Variants in ASXL3 observed in about 807,000 individuals in gnomAD.
The protein encoded by ASXL3 is ASXL transcriptional regulator 3.
Under a neutral mutation model 170.6 loss-of-function variants are expected in ASXL3, and 34 were observed. The observed-to-expected ratio is 0.20, with a 90% CI of 0.15 to 0.27. The LOEUF is 0.27. Ranked by LOEUF, ASXL3 falls within the 10% of genes least tolerant of loss-of-function variation. The pLI, the probability that ASXL3 is intolerant of heterozygous loss-of-function variation, is 1.00. For missense variants in ASXL3, 2,592 were observed against 2,695.3 expected (o/e 0.96, Z 0.85); for synonymous variants, 1,002 against 989.1 (o/e 1.01, Z -0.24).
At chr18:33,659,817 GTCATATGATCTTTAATTCAATGACTTT>G (rs2066143026) in intron 4 of ASXL3, among the ~76,000 whole-genome samples, 1 of 152,014 alleles carries the variant, frequency 6.6e-6, no homozygotes, top group African/African-American at 2.4e-5. Flanking sequence ...AGTAAAAAAA[GTCATATGATCTTTAATTCAATGACTTT>G]TCTCACTATA....
At chr18:33,643,025 A>T (rs1442155855) in intron 2 of ASXL3, among the ~76,000 whole-genome samples, 2 of 151,848 alleles carry the variant, frequency 1.3e-5, no homozygotes, top group East Asian at 3.9e-4. Context: ...TATTTTTAAA[A>T]TTCTACATTG....
intron 2 of ASXL3, among the ~76,000 whole-genome samples, chr18:33,625,087 C>T (rs1342804334): frequency 6.6e-6 from 1 of 152,020 alleles, no homozygotes; most frequent in Non-Finnish European, 1.5e-5. Flanking sequence ...GGTTAGTGCT[C>T]CTGGGAAACT....
At chr18:33,609,758 A>G (rs1361603158) in intron 2 of ASXL3, among the ~76,000 whole-genome samples, 1 of 152,018 alleles carries the variant, frequency 6.6e-6, no homozygotes, top group Non-Finnish European at 1.5e-5. Context: ...CCAGTATAGT[A>G]TTAGTGAAAG....
At chr18:33,612,596 A>G (rs1346822442) in intron 2 of ASXL3, among the ~76,000 whole-genome samples, 1 of 152,058 alleles carries the variant, frequency 6.6e-6, no homozygotes, top group Non-Finnish European at 1.5e-5. Flanking sequence ...CTGTTATGAT[A>G]TGCTGAAATT....
intron 8 of ASXL3, among the ~76,000 whole-genome samples, chr18:33,685,719 T>C (rs921149254): frequency 6.6e-6 from 1 of 152,180 alleles, no homozygotes; most frequent in East Asian, 1.9e-4. Flanking sequence ...AAGCTTATAC[T>C]CTTGGTAGAA....
Position 33,739,971 on chromosome 18 carries a change from C to A in ASXL3, c.2567C>A (p.Ala856Asp), listed in dbSNP as rs1413319712. The change falls in exon 11 of 12, where the codon GCT becomes GAT. Residue 856 changes from alanine to aspartate, a missense_variant. This residue lies in a region of ASXL3 where 2,246 missense variants were observed against 2,219.6 expected (regional missense o/e 1.01). Transcript: ENST00000269197. The part of the protein sequence containing the change: ...KPYPASIPEL[A>D]STEMIKVKNH... ...TACCCTGCTTCAATTCCAGAACTTG[C>A]TTCTACTGAAATGATAAAAGTTAAA... 1 of 1,613,862 alleles carries A rather than the reference C, an allele frequency of 6.2e-7. No individual in the cohort carries two copies. The highest frequency in any genetic ancestry group is 8.5e-7 in the Non-Finnish European group (1 of 1,179,840).
intron 10 of ASXL3, among the ~76,000 whole-genome samples, chr18:33,737,428 T>A (rs890779083): frequency 2.0e-5 from 3 of 152,186 alleles, no homozygotes; most frequent in African/African-American, 7.2e-5. Context: ...TACGCTAATT[T>A]AACTTCATTT....
chr18:33,665,752 T>G (rs915975056), intron 5 of ASXL3, among the ~76,000 whole-genome samples: 1 of 152,196 alleles, frequency 6.6e-6, no homozygotes, highest in Non-Finnish European at 1.5e-5. Context: ...AATGTTTATT[T>G]AAAGGTTTTT....
intron 4 of ASXL3, among the ~76,000 whole-genome samples, chr18:33,658,656 A>G (rs1241945767): frequency 6.6e-6 from 1 of 152,094 alleles, no homozygotes; most frequent in Non-Finnish European, 1.5e-5. Flanking sequence ...TTTTCTTTAA[A>G]GTTCTATAGT....
Position 33,743,232 on chromosome 18 carries a change from G to T in ASXL3, c.3384G>T (p.Arg1128=). ...TCTTCCAGACCTCTAAAGAGACCCG[G>T]TTGCCTCCTCCGCTCAGCTCAAAGG... The part of the protein sequence containing the change: ...AHLFQTSKET[R]LPPPLSSKEG... Residue 1128 remains arginine, a synonymous_variant, in exon 12 of 12, where the codon CGG becomes CGT. Coordinates refer to ENST00000269197, the MANE Select transcript of ASXL3 (RefSeq NM_030632.3). The T allele has an allele frequency of 6.2e-7, 1 of 1,613,912 alleles. No individual in the cohort carries two copies. The highest frequency in any genetic ancestry group is 8.5e-7 in the Non-Finnish European group (1 of 1,179,840).
rs1192024420 is a variant in ASXL3 at position 33,745,583 on chromosome 18, A to T, written c.5735A>T (p.His1912Leu). ...PSCSFQQNLF[H>L]VDKNGGFHTD... ...TGTAGCTTCCAGCAGAACCTATTTCATGTTGACAAGAATGGCGGCTTCCAC... is the reference window on the plus strand; with the variant it reads ...TGTAGCTTCCAGCAGAACCTATTTCTTGTTGACAAGAATGGCGGCTTCCAC... Residue 1912 changes from histidine to leucine, a missense_variant, in exon 12 of 12, where the codon CAT becomes CTT. Coordinates refer to ENST00000269197, the MANE Select transcript of ASXL3 (RefSeq NM_030632.3). The T allele has an allele frequency of 3.7e-6, 6 of 1,613,854 alleles. No homozygotes were observed. Among genetic ancestry groups the T allele is most frequent in the Non-Finnish European group, 4.2e-6 (5 of 1,179,890 alleles).
chr18:33,743,773 A>G lies in ASXL3; in HGVS notation c.3925A>G (p.Thr1309Ala), dbSNP rs761464286. The G allele has an allele frequency of 6.2e-7, 1 of 1,614,004 alleles. No individual in the cohort carries two copies. Among genetic ancestry groups the G allele is most frequent in the South Asian group, 1.1e-5 (1 of 91,084 alleles). The change falls in exon 12 of 12, where the codon ACA (threonine) becomes GCA (alanine). Residue 1309 changes from threonine (T) to alanine (A), a missense_variant. By Grantham distance (58) the Thr-to-Ala change is moderately conservative (BLOSUM62 0). Transcript: ENST00000269197. ...TGAAAGCACTCCCATTTCAGCCACT[A>G]CAGAGGGCTCCAGCATATCAAGCTC... ...CIESTPISAT[T>A]EGSSISSSMD...
chr18:33,634,931 C>G (rs976740027), intron 2 of ASXL3, among the ~76,000 whole-genome samples: 30 of 152,066 alleles, frequency 2.0e-4, no homozygotes, highest in Admixed American at 2.0e-3. Flanking sequence ...GAACTAAATG[C>G]TACAATAGTA....
chr18:33,614,071 A>C (rs922215271), intron 2 of ASXL3, among the ~76,000 whole-genome samples: 1 of 152,154 alleles, frequency 6.6e-6, no homozygotes, highest in Admixed American at 6.6e-5. Context: ...TGCTTAAAGT[A>C]AGACAACAAT....
In ASXL3 at chr18:33,723,254, C is replaced by T. The variant is rs2145376807; in HGVS notation, c.880-8714C>T. Among the ~76,000 whole-genome samples the T allele has an allele frequency of 3.3e-5, 5 of 152,232 alleles. No individual in the cohort carries two copies. In the South Asian group the frequency reaches 1.0e-3, roughly 32 times the overall value. On this transcript the variant is annotated intron_variant, in intron 8 of 11. Transcript: ENST00000269197. ...CTGTGGCTGCCATAGGTAGTGATTCCTCTGATGGTTCTGAGCAAGGTGAAT... is the reference window on the plus strand; with the variant it reads ...CTGTGGCTGCCATAGGTAGTGATTCTTCTGATGGTTCTGAGCAAGGTGAAT...
chr18:33,647,746 G>A (rs147435978), intron 4 of ASXL3, among the ~76,000 whole-genome samples: 2 of 152,070 alleles, frequency 1.3e-5, no homozygotes, highest in Admixed American at 1.3e-4. Context: ...AAAAACAAAA[G>A]CAAATCTCTC....
intron 8 of ASXL3, among the ~76,000 whole-genome samples, chr18:33,716,866 C>T (rs2067172736): frequency 6.7e-6 from 1 of 148,184 alleles, no homozygotes; most frequent in Admixed American, 6.8e-5. Context: ...TTTGGCCTTG[C>T]TCAGATTGCA....
In ASXL3 at chr18:33,745,124, C is replaced by A; in HGVS notation, c.5276C>A (p.Pro1759His). ...ACGCAGTTACTACAGGGCAACCTGC[C>A]TTTGGAAAAAGTGTTGCCACAGCCC... ...LVTQLLQGNL[P>H]LEKVLPQPRL... Residue 1759 changes from proline to histidine, a missense_variant, in exon 12 of 12, where the codon CCT becomes CAT. By Grantham distance (77) the Pro-to-His change is moderately conservative. This residue lies in a region of ASXL3 where 2,246 missense variants were observed against 2,219.6 expected (regional missense o/e 1.01). Transcript: ENST00000269197. The A allele has an allele frequency of 6.2e-7, 1 of 1,614,000 alleles. No individual in the cohort carries two copies. Among genetic ancestry groups the A allele is most frequent in the Admixed American group, 1.7e-5 (1 of 60,034 alleles).
intron 7 of ASXL3, among the ~76,000 whole-genome samples, chr18:33,672,836 T>G (rs772888351): frequency 4.1e-4 from 63 of 152,208 alleles, no homozygotes; most frequent in Non-Finnish European, 7.8e-4. Flanking sequence ...GACATTTTGC[T>G]AAATCTTGGG....
Sources: gnomAD v4.1 joint callset for allele counts (sites outside exome capture counted in the v4.1 genomes callset) on GRCh38, gnomAD v4.1.1 for gene constraint, gnomAD v4.1.1 regional missense constraint, MANE v1.5 for transcripts, NCBI Gene and HGNC (gene_info 2026-07-23, HGNC 2026-07-21) for gene names.